Variants in SLC10A7 observed in about 807,000 individuals in gnomAD.
SLC10A7 encodes the protein sodium/bile acid cotransporter 7.
A neutral mutation model predicts 43.2 loss-of-function variants in SLC10A7; 29 were observed. The ratio of observed to expected loss-of-function variants is 0.67; its 90% CI spans 0.50 to 0.92. The LOEUF is 0.92. Ranked by LOEUF, SLC10A7 falls within the 40% of genes least tolerant of loss-of-function variation. The pLI is 0.00. For missense variants in SLC10A7, 295 were observed against 403.2 expected (o/e 0.73, Z 2.30); for synonymous variants, 152 against 144.8 (o/e 1.05, Z -0.35).
intron 4 of SLC10A7, among the ~76,000 whole-genome samples, chr4:146,496,980 G>C (rs189625460): frequency 1.3e-5 from 2 of 152,112 alleles, no homozygotes; most frequent in Non-Finnish European, 2.9e-5. Flanking sequence ...GCTGAATGGT[G>C]GACATAGAAG....
At chr4:146,322,466 G>A (rs1214692496) in intron 6 of SLC10A7, among the ~76,000 whole-genome samples, 10 of 148,796 alleles carry the variant, frequency 6.7e-5, no homozygotes, top group Admixed American at 1.4e-4. Context: ...CAGAACATGC[G>A]GTGTTTGGTT....
At chr4:146,436,849 C>T (rs541219776) in intron 5 of SLC10A7, among the ~76,000 whole-genome samples, 30 of 152,112 alleles carry the variant, frequency 2.0e-4, no homozygotes, top group African/African-American at 7.0e-4. Flanking sequence ...GACTTAATTT[C>T]AGTTACCTTC....
At chr4:146,443,864 T>C (rs1730810483) in intron 4 of SLC10A7, among the ~76,000 whole-genome samples, 1 of 152,176 alleles carries the variant, frequency 6.6e-6, no homozygotes, top group Non-Finnish European at 1.5e-5. Context: ...TTCAAAGCTT[T>C]GATAATTTCA....
At chr4:146,497,261 C>T (rs997108875) in intron 4 of SLC10A7, among the ~76,000 whole-genome samples, 5 of 152,188 alleles carry the variant, frequency 3.3e-5, no homozygotes, top group Admixed American at 6.5e-5. Flanking sequence ...ATAGTCAGTA[C>T]ACTGCTACTA....
At position 146,261,356 on chromosome 4, in the gene SLC10A7, G is replaced by A. The variant is rs185036971; in HGVS notation, c.848-2519C>T. Among the ~76,000 whole-genome samples, 113 of 152,318 alleles carry A rather than the reference G, an allele frequency of 7.4e-4. 2 individuals carry two copies. The highest frequency in any genetic ancestry group is 7.1e-3 in the Admixed American group (108 of 15,302). On this transcript the variant is annotated intron_variant, in intron 10 of 11. Transcript: ENST00000335472. ...GGGCAGTGCCCCTTCTCAGATGTCT[G>A]AGAACCTGCTCTGCTGCCTCTCTCC...
chr4:146,397,268 C>T (rs969411152), intron 5 of SLC10A7, among the ~76,000 whole-genome samples: 3 of 152,126 alleles, frequency 2.0e-5, no homozygotes, highest in Non-Finnish European at 4.4e-5. Context: ...AAATAACGCT[C>T]ATTTTAAAGC....
intron 10 of SLC10A7, among the ~76,000 whole-genome samples, chr4:146,262,368 C>T (rs1560742730): frequency 6.6e-6 from 1 of 152,196 alleles, no homozygotes; most frequent in African/African-American, 2.4e-5. Flanking sequence ...GCAGCACTAT[C>T]TGGACAACAA....
At chr4:146,355,393 G>A (rs1394834252) in intron 5 of SLC10A7, among the ~76,000 whole-genome samples, 1 of 152,150 alleles carries the variant, frequency 6.6e-6, no homozygotes, top group Admixed American at 6.5e-5. Flanking sequence ...GAAACAACAG[G>A]TACTGGAGAG....
intron 10 of SLC10A7, among the ~76,000 whole-genome samples, chr4:146,278,135 T>C (rs1049795806): frequency 1.3e-5 from 2 of 152,168 alleles, no homozygotes; most frequent in Admixed American, 1.3e-4. Flanking sequence ...GCCTGGAATA[T>C]AGTTTCTGAG....
At chr4:146,271,281 C>G (rs912575146) in intron 10 of SLC10A7, among the ~76,000 whole-genome samples, 2 of 152,196 alleles carry the variant, frequency 1.3e-5, no homozygotes, top group African/African-American at 4.8e-5. Flanking sequence ...TGACTTTCAA[C>G]CACTAACATC....
chr4:146,429,071 T>G (rs2149865144), intron 5 of SLC10A7, among the ~76,000 whole-genome samples: 1 of 152,300 alleles, frequency 6.6e-6, no homozygotes, highest in South Asian at 2.1e-4. Context: ...CAAACTTAGA[T>G]GTGGGGATGA....
At chr4:146,520,252 T>C (rs1019079984) in intron 1 of SLC10A7, among the ~76,000 whole-genome samples, 3 of 107,704 alleles carry the variant, frequency 2.8e-5, no homozygotes, top group African/African-American at 1.1e-4. Flanking sequence ...AGTCTTACTA[T>C]TCATTTAGCT....
At chr4:146,460,039 C>T (rs1579243922) in intron 4 of SLC10A7, among the ~76,000 whole-genome samples, 1 of 151,862 alleles carries the variant, frequency 6.6e-6, no homozygotes, top group East Asian at 1.9e-4. Context: ...TGAACAGACA[C>T]TTCACTGAAG....
chr4:146,363,833 C>T (rs1215972474), intron 5 of SLC10A7, among the ~76,000 whole-genome samples: 1 of 151,996 alleles, frequency 6.6e-6, no homozygotes, highest in African/African-American at 2.4e-5. Flanking sequence ...ATACCAGTAC[C>T]TGTGACATAC....
intron 4 of SLC10A7, among the ~76,000 whole-genome samples, chr4:146,468,202 C>T (rs1422472518): frequency 6.6e-6 from 1 of 152,116 alleles, no homozygotes; most frequent in African/African-American, 2.4e-5. Context: ...TTAAATAAGA[C>T]AATTCATGAC....
chr4:146,518,974 A>G (rs1237685463), intron 1 of SLC10A7, among the ~76,000 whole-genome samples: 1 of 148,612 alleles, frequency 6.7e-6, no homozygotes, highest in Non-Finnish European at 1.5e-5. Context: ...CACTTAAGCA[A>G]AACAACAGGA....
chr4:146,298,569 T>TA (rs1484680461), intron 7 of SLC10A7, among the ~76,000 whole-genome samples: 1 of 152,202 alleles, frequency 6.6e-6, no homozygotes. Context: ...TGTGCTGCTT[T>TA]AAAAATATTC....
chr4:146,280,713 T>C (rs1249864569), intron 10 of SLC10A7, among the ~76,000 whole-genome samples: 1 of 152,102 alleles, frequency 6.6e-6, no homozygotes, highest in Admixed American at 6.6e-5. Flanking sequence ...CATTAGTATC[T>C]AAACATCCCT....
chr4:146,304,032 T>C (rs944107139), intron 7 of SLC10A7, among the ~76,000 whole-genome samples: 1 of 144,266 alleles, frequency 6.9e-6, no homozygotes, highest in African/African-American at 2.6e-5. Flanking sequence ...TTAAATTCTA[T>C]ACTCCAATAC....
Sources: allele counts gnomAD v4.1 joint callset (sites outside exome capture counted in the v4.1 genomes callset), GRCh38; gene constraint gnomAD v4.1.1; transcripts MANE v1.5; gene names NCBI Gene and HGNC (gene_info 2026-07-23, HGNC 2026-07-21).